LRRC4C: variants seen among roughly 807,000 people sequenced by gnomAD.
The protein encoded by LRRC4C is leucine rich repeat containing 4C.
Under a neutral mutation model 33.6 loss-of-function variants are expected in LRRC4C, and 5 were observed. The ratio of observed to expected loss-of-function variants is 0.15; its 90% CI spans 0.08 to 0.31. The LOEUF is 0.31. Ranked by LOEUF, LRRC4C falls within the 10% of genes least tolerant of loss-of-function variation. The pLI, the probability that LRRC4C is intolerant of heterozygous loss-of-function variation, is 1.00. For missense variants in LRRC4C, 560 were observed against 796.7 expected, an observed-to-expected ratio of 0.70 and a Z score of 3.58; for synonymous variants, 329 against 302.0, an observed-to-expected ratio of 1.09 and a Z score of -0.93.
intron 2 of LRRC4C, among the ~76,000 whole-genome samples, chr11:40,665,951 T>C (rs56400704): frequency 0.039 from 5,994 of 152,212 alleles, 161 homozygotes; most frequent in Non-Finnish European, 0.063. Context: ...TATTTATATA[T>C]GTGTATATAT....
At chr11:40,582,513 G>GTTTTTTTTT (rs35497785) in intron 3 of LRRC4C, among the ~76,000 whole-genome samples, 1 of 115,608 alleles carries the variant, frequency 8.6e-6, no homozygotes. Context: ...CCCTTGTTCA[G>GTTTTTTTTT]TTTTTTTTTT....
intron 1 of LRRC4C, among the ~76,000 whole-genome samples, chr11:40,971,589 G>C (rs2136995106): frequency 6.6e-6 from 1 of 152,260 alleles, no homozygotes; most frequent in South Asian, 2.1e-4. Context: ...GGAAAATATG[G>C]GTTTGGAGCT....
In LRRC4C at chr11:41,392,141, T is replaced by C. The variant is rs571428674; in HGVS notation, c.-496+67290A>G. 4.6e-5 allele frequency among the ~76,000 whole-genome samples: 7 copies of C among 152,050 alleles called. 1 individual carries two copies. In the East Asian group the frequency reaches 1.4e-3, roughly 30 times the overall value. ...TATGTAGGCACTATAACATGTTTGC[T>C]GTGGAATTCATGATAAGGCACTTTC... On this transcript the variant is annotated intron_variant, in intron 1 of 6. Coordinates refer to ENST00000528697, the MANE Select transcript of LRRC4C (RefSeq NM_001258419.2).
chr11:40,218,718 T>C (rs1229542965), intron 5 of LRRC4C, among the ~76,000 whole-genome samples: 3 of 151,278 alleles, frequency 2.0e-5, no homozygotes, highest in Non-Finnish European at 4.4e-5. Context: ...TATCTATCTA[T>C]CTATCTATCT....
intron 2 of LRRC4C, among the ~76,000 whole-genome samples, chr11:40,672,750 T>C (rs1944190624): frequency 6.6e-6 from 1 of 152,210 alleles, no homozygotes. Flanking sequence ...AGGAACAAAT[T>C]AATCTTGCTT....
chr11:40,442,204 ATTCCT>A (rs1401883284), intron 3 of LRRC4C, among the ~76,000 whole-genome samples: 1 of 147,016 alleles, frequency 6.8e-6, no homozygotes, highest in African/African-American at 2.5e-5. Flanking sequence ...ACTGCCTAGT[ATTCCT>A]TCATTGTAAA....
chr11:40,308,254 T>C (rs1945133693), intron 4 of LRRC4C, among the ~76,000 whole-genome samples: 1 of 151,948 alleles, frequency 6.6e-6, no homozygotes, highest in East Asian at 1.9e-4. Flanking sequence ...TCCCAGAGAG[T>C]TTGAAATCTA....
At chr11:41,107,045 G>A (rs1221431283) in intron 1 of LRRC4C, among the ~76,000 whole-genome samples, 1 of 125,314 alleles carries the variant, frequency 8.0e-6, no homozygotes, top group Admixed American at 9.8e-5. Flanking sequence ...GACCAGAAGC[G>A]TTTTAGGTTT....
At chr11:40,574,078 T>C (rs931988571) in intron 3 of LRRC4C, among the ~76,000 whole-genome samples, 1 of 152,204 alleles carries the variant, frequency 6.6e-6, no homozygotes, top group South Asian at 2.1e-4. Flanking sequence ...ATATGTATGA[T>C]ATTAAACATA....
At chr11:41,286,473 C>T (rs1227350260) in intron 1 of LRRC4C, among the ~76,000 whole-genome samples, 1 of 152,120 alleles carries the variant, frequency 6.6e-6, no homozygotes, top group African/African-American at 2.4e-5. Context: ...GAGAAGGAAT[C>T]CCCTGAGTCT....
chr11:40,339,558 C>G (rs1281098437), intron 3 of LRRC4C, among the ~76,000 whole-genome samples: 1 of 152,188 alleles, frequency 6.6e-6, no homozygotes, highest in Non-Finnish European at 1.5e-5. Context: ...CAGTACTTTG[C>G]ATAAAGCTGG....
chr11:40,762,195 T>C (rs924614928), intron 2 of LRRC4C, among the ~76,000 whole-genome samples: 23 of 152,174 alleles, frequency 1.5e-4, no homozygotes, highest in African/African-American at 5.5e-4. Flanking sequence ...TGACGTGGCC[T>C]GTGGAGAAAT....
intron 1 of LRRC4C, among the ~76,000 whole-genome samples, chr11:40,982,784 G>A (rs114852584): frequency 0.014 from 2,141 of 151,990 alleles, 52 homozygotes; most frequent in African/African-American, 0.049. Flanking sequence ...ATTAAGCCTC[G>A]TATCCATTAG....
chr11:40,704,548 AC>A (rs1260260123), intron 2 of LRRC4C, among the ~76,000 whole-genome samples: 1 of 152,146 alleles, frequency 6.6e-6, no homozygotes, highest in Non-Finnish European at 1.5e-5. Context: ...TGTAGTGATT[AC>A]AGAGTGTAGT....
rs1954535874 is a variant in LRRC4C at position 41,412,758 on chromosome 11, A to T, written c.-496+46673T>A. ...GTACTAGGAGCCCTTAACTTCCATG[A>T]TGATACAAAATACAGCAGAAACTCA... is the stretch of plus-strand genomic sequence containing the variant. On this transcript the variant is annotated intron_variant, in intron 1 of 6. Coordinates refer to ENST00000528697, the MANE Select transcript of LRRC4C (RefSeq NM_001258419.2). Among the ~76,000 whole-genome samples the T allele has an allele frequency of 2.6e-5, 4 of 152,132 alleles. No individual in the cohort carries two copies. The South Asian group carries it at 8.3e-4, about 31-fold the overall frequency.
At chr11:40,835,610 G>C (rs1201772523) in intron 2 of LRRC4C, among the ~76,000 whole-genome samples, 1 of 151,998 alleles carries the variant, frequency 6.6e-6, no homozygotes, top group Admixed American at 6.6e-5. Context: ...GCATATTATT[G>C]ATGTACTTTA....
intron 2 of LRRC4C, among the ~76,000 whole-genome samples, chr11:40,844,936 C>A (rs990965056): frequency 6.6e-6 from 1 of 151,782 alleles, no homozygotes; most frequent in African/African-American, 2.4e-5. Context: ...CACATACTTT[C>A]TTTTTGTCCT....
intron 3 of LRRC4C, among the ~76,000 whole-genome samples, chr11:40,490,211 A>C (rs1954076954): frequency 6.6e-6 from 1 of 152,162 alleles, no homozygotes; most frequent in African/African-American, 2.4e-5. Flanking sequence ...TTTTTCACAA[A>C]GTTGTGGATT....
chr11:40,728,331 C>A (rs180984626), intron 2 of LRRC4C, among the ~76,000 whole-genome samples: 1 of 151,682 alleles, frequency 6.6e-6, no homozygotes, highest in Non-Finnish European at 1.5e-5. Context: ...TTTGGCCGGG[C>A]GCAGTGGCTC....
Sources: gnomAD v4.1 joint callset for allele counts (sites outside exome capture counted in the v4.1 genomes callset) on GRCh38, gnomAD v4.1.1 for gene constraint, MANE v1.5 for transcripts, NCBI Gene and HGNC (gene_info 2026-07-23, HGNC 2026-07-21) for gene names.